TRDN: variants seen among roughly 807,000 people sequenced by gnomAD.
The protein encoded by TRDN is triadin in skeletal muscle.
In TRDN, 161 loss-of-function variants were observed where a neutral mutation model predicts 149.7. The observed-to-expected ratio is 1.08, with a 90% CI of 0.95 to 1.23. TRDN has a LOEUF of 1.23. Ranked by LOEUF, TRDN falls within the 50% of genes most tolerant of loss-of-function variation. The pLI, the probability that TRDN is intolerant of heterozygous loss-of-function variation, is 0.00. For synonymous variants in TRDN, 294 were observed against 250.5 expected, an observed-to-expected ratio of 1.17 and a Z score of -1.64; for missense variants, 896 against 823.5, an observed-to-expected ratio of 1.09 and a Z score of -1.08.
intron 12 of TRDN, chr6:123,421,519 C>T (rs1335857063): frequency 1.3e-5 from 2 of 152,106 alleles, no homozygotes; most frequent in Non-Finnish European, 2.9e-5. Flanking sequence ...CTGCTGTTCT[C>T]TCTTCATACT....
intron 1 of TRDN, among the ~76,000 whole-genome samples, chr6:123,609,104 C>CGGGGGGG (rs1242798347): frequency 6.6e-6 from 1 of 151,672 alleles, no homozygotes. Flanking sequence ...ACCCAGGAGG[C>CGGGGGGG]GGAGGTTGGA....
chr6:123,531,874 A>T (rs1183382547), intron 4 of TRDN, among the ~76,000 whole-genome samples: 1 of 151,964 alleles, frequency 6.6e-6, no homozygotes, highest in East Asian at 1.9e-4. Context: ...GGGAGGGGCT[A>T]TTTTGTGCAT....
intron 9 of TRDN, among the ~76,000 whole-genome samples, chr6:123,479,123 T>A (rs368702024): frequency 6.6e-6 from 1 of 152,326 alleles, no homozygotes; most frequent in South Asian, 2.1e-4. Flanking sequence ...TGTTTTAATG[T>A]GAACAGACTG....
At chr6:123,614,403 A>G (rs1451848311) in intron 1 of TRDN, among the ~76,000 whole-genome samples, 1 of 151,168 alleles carries the variant, frequency 6.6e-6, no homozygotes, top group African/African-American at 2.4e-5. Context: ...TTGCAATGTT[A>G]TTCTAGAATA....
intron 24 of TRDN, among the ~76,000 whole-genome samples, chr6:123,304,018 A>C (rs1778517800): frequency 6.6e-6 from 1 of 152,256 alleles, no homozygotes; most frequent in Non-Finnish European, 1.5e-5. Context: ...TGAAACAGAA[A>C]GAAGAGTTGT....
At chr6:123,231,978 C>T (rs1775619286) in intron 38 of TRDN, among the ~76,000 whole-genome samples, 1 of 151,958 alleles carries the variant, frequency 6.6e-6, no homozygotes, top group Non-Finnish European at 1.5e-5. Flanking sequence ...CAGTTGTAAA[C>T]TTGTGCAGAC....
intron 5 of TRDN, among the ~76,000 whole-genome samples, chr6:123,522,651 T>A (rs1396422878): frequency 6.6e-6 from 1 of 151,930 alleles, no homozygotes; most frequent in East Asian, 1.9e-4. Context: ...ATGAAATTGT[T>A]TGTTGCCACT....
At chr6:123,547,078 A>C (rs997892145) in intron 4 of TRDN, among the ~76,000 whole-genome samples, 8 of 152,128 alleles carry the variant, frequency 5.3e-5, no homozygotes, top group African/African-American at 9.7e-5. Context: ...CTCATTCCTC[A>C]AATTCCAGCT....
intron 12 of TRDN, among the ~76,000 whole-genome samples, chr6:123,394,323 T>C (rs566145588): frequency 1.3e-5 from 2 of 152,266 alleles, no homozygotes; most frequent in South Asian, 4.2e-4. Context: ...AAAACTTATA[T>C]GATAAACATT....
chr6:123,381,479 C>T (rs564104006), intron 15 of TRDN, 89 bp from the exon 16 acceptor site: 14 of 1,250,160 alleles, frequency 1.1e-5, no homozygotes, highest in Non-Finnish European at 1.3e-5. Context: ...TAATTTTTCC[C>T]ACCCCTCCTT....
intron 23 of TRDN, 116 bp downstream of exon 23, chr6:123,331,761 CAT>C (rs1240937911): frequency 8.3e-6 from 5 of 603,812 alleles, no homozygotes; most frequent in Non-Finnish European, 1.3e-5. Flanking sequence ...TGCTTAAAAA[CAT>C]ATGAAGGCTA....
At chr6:123,390,706 C>G (rs1298011218) in intron 13 of TRDN, among the ~76,000 whole-genome samples, 3 of 152,112 alleles carry the variant, frequency 2.0e-5, no homozygotes, top group Non-Finnish European at 4.4e-5. Context: ...ACTTCTGGTC[C>G]TCAAATTCAG....
intron 9 of TRDN, among the ~76,000 whole-genome samples, chr6:123,479,535 T>C (rs7749148): frequency 0.3 from 45,794 of 152,114 alleles, 7,269 homozygotes; most frequent in Admixed American, 0.4. Flanking sequence ...TGAAGAGTGT[T>C]TTAGCGCCAG....
chr6:123,503,885 C>G lies in TRDN; in HGVS notation c.627G>C (p.Lys209Asn). The G allele has an allele frequency of 1.3e-6, 2 of 1,565,640 alleles. No homozygotes were observed. Among genetic ancestry groups the G allele is most frequent in the South Asian group, 2.3e-5 (2 of 85,696 alleles). The change falls in exon 8 of 41, where the codon AAG becomes AAC. Residue 209 changes from lysine to asparagine, a missense_variant. Coordinates refer to ENST00000334268, the MANE Select transcript of TRDN (RefSeq NM_006073.4). ...KTLAKEQKKA[K>N]TAEKSEEKTK... The stretch of plus-strand genomic sequence containing the variant: ...TCTTTTCTTCACTCTTTTCTGCAGT[C>G]TTAGCTTTCTTCTGTTCTGTATAAA...
intron 5 of TRDN, among the ~76,000 whole-genome samples, chr6:123,526,727 A>G (rs1779969380): frequency 6.6e-6 from 1 of 152,074 alleles, no homozygotes; most frequent in South Asian, 2.1e-4. Flanking sequence ...ACACAAATAT[A>G]GAACTGACAA....
chr6:123,473,606 A>G (rs1777303438), intron 9 of TRDN, among the ~76,000 whole-genome samples: 1 of 151,576 alleles, frequency 6.6e-6, no homozygotes, highest in Non-Finnish European at 1.5e-5. Context: ...CCACAAAGAT[A>G]CTCCTCGAGA....
rs180818335 is a variant in TRDN, at chr6:123,453,218, C to T, written c.931+11688G>A. On this transcript the variant is annotated intron_variant, in intron 10 of 40. Transcript: ENST00000334268. The stretch of plus-strand genomic sequence containing the variant: ...TAGGCAAAGATTTCATGACCAATAA[C>T]CCAAAAGCAAATGCAATAAAAACAA... Among the ~76,000 whole-genome samples, 111 of 152,170 alleles carry T rather than the reference C, an allele frequency of 7.3e-4. 1 individual carries two copies. Among genetic ancestry groups the T allele is most frequent in the Non-Finnish European group, 1.4e-3 (94 of 67,958 alleles).
chr6:123,375,651 A>G lies in TRDN; in HGVS notation c.1247-20T>C, dbSNP rs773997093. 7.9e-6 allele frequency: 12 copies of G among 1,519,058 alleles called. No individual in the cohort carries two copies. The Admixed American group carries it at 1.1e-4, about 14-fold the overall frequency. The allele number at this position is 1,519,058 out of a possible 1,614,324, so 94.1% of individuals were successfully genotyped here. A position where few individuals can be genotyped will look rare whatever the true frequency, so the allele number is the denominator to read the frequency against. On this transcript the variant is annotated intron_variant, in intron 18 of 40. Transcript: ENST00000334268. ...TTGGAACTGTTAATGACAAGAAATA[A>G]TAAGGTCAACAGTAATTACAAATCT...
chr6:123,325,361 A>G (rs1779403285), intron 23 of TRDN, among the ~76,000 whole-genome samples: 1 of 152,126 alleles, frequency 6.6e-6, no homozygotes, highest in South Asian at 2.1e-4. Flanking sequence ...CAAGAAACTC[A>G]GAAAAAGTAC....
Sources: allele counts gnomAD v4.1 joint callset (sites outside exome capture counted in the v4.1 genomes callset), GRCh38; gene constraint gnomAD v4.1.1; transcripts MANE v1.5; gene names NCBI Gene and HGNC (gene_info 2026-07-23, HGNC 2026-07-21).